LATS1: variants seen among roughly 807,000 people sequenced by gnomAD.
The protein encoded by LATS1 is serine/threonine-protein kinase LATS1.
Under a neutral mutation model 106.6 loss-of-function variants are expected in LATS1, and 25 were observed. That is an observed-to-expected ratio of 0.23 (90% CI 0.17 to 0.33). The LOEUF (loss-of-function observed/expected upper bound fraction) is 0.33, where lower values mean the gene tolerates loss of function less well. Among genes scored for constraint, LATS1 ranks in the 10% least tolerant of loss-of-function variants. The pLI is 1.00. For synonymous variants in LATS1, 465 were observed against 455.6 expected, an observed-to-expected ratio of 1.02 and a Z score of -0.26; for missense variants, 1,040 against 1,382.6, an observed-to-expected ratio of 0.75 and a Z score of 3.93.
chr6:149,683,783 A>G lies in LATS1; in HGVS notation c.1306T>C (p.Ser436Pro). 5 of 1,613,822 alleles carry G rather than the reference A, an allele frequency of 3.1e-6. No homozygotes were observed. Among genetic ancestry groups the G allele is most frequent in the Non-Finnish European group, 4.2e-6 (5 of 1,180,030 alleles). ...GATGACTGGGCTGGAGCAGAAGATG[A>G]CTGAGGCCAATTTGTTTGCAGTCCA... is the stretch of plus-strand genomic sequence containing the variant. Reference protein sequence around the residue: ...VPGLQTNWPQSSSAPAQSSPS... With the variant: ...VPGLQTNWPQPSSAPAQSSPS... The change falls in exon 4 of 8, where the codon TCA becomes CCA. Residue 436 changes from serine to proline, a missense_variant. Coordinates refer to ENST00000543571, the MANE Select transcript of LATS1 (RefSeq NM_004690.4).
chr6:149,701,680 A>T, intron 2 of LATS1, 99 bp downstream of exon 2: 1 of 811,284 alleles, frequency 1.2e-6, no homozygotes, highest in South Asian at 1.7e-5. Flanking sequence ...TACAGGGTTA[A>T]ATTCTCCCAA....
At chr6:149,704,028 A>G (rs767003920) in intron 1 of LATS1, among the ~76,000 whole-genome samples, 1 of 152,174 alleles carries the variant, frequency 6.6e-6, no homozygotes, top group Non-Finnish European at 1.5e-5. Context: ...TCTGAGATGG[A>G]GTTTCGCTCT....
rs777956272 is a variant in LATS1, at chr6:149,718,097, C to T, written c.-389G>A. The T allele has an allele frequency of 1.9e-4, 54 of 290,898 alleles. No individual in the cohort carries two copies. Among genetic ancestry groups the T allele is most frequent in the Non-Finnish European group, 3.3e-4 (49 of 148,142 alleles). The allele number at this position is 290,898 out of a possible 1,614,324, so 18.0% of individuals were successfully genotyped here. A position where few individuals can be genotyped will look rare whatever the true frequency, so the allele number is the denominator to read the frequency against. ...CACTCAGTGTCGCCGCCGCCGCACT[C>T]CGCTGCAGGTTTCCCGGATGTGGGC... On this transcript the variant is annotated 5_prime_UTR_variant, in exon 1 of 8. Transcript: ENST00000543571.
At chr6:149,693,615 C>A (rs1582897207) in intron 3 of LATS1, among the ~76,000 whole-genome samples, 1 of 45,066 alleles carries the variant, frequency 2.2e-5, no homozygotes, top group Non-Finnish European at 4.0e-5. Context: ...ATCTCAAAAA[C>A]AAACAAACAA....
chr6:149,662,010 T>G lies in LATS1; in HGVS notation c.3112A>C (p.Asn1038His), dbSNP rs756507950. The G allele has an allele frequency of 8.1e-6, 13 of 1,614,194 alleles. No homozygotes were observed. The highest frequency in any genetic ancestry group is 1.1e-5 in the Non-Finnish European group (13 of 1,180,026). The change falls in exon 8 of 8, where the codon AAT (asparagine) becomes CAT (histidine). Residue 1038 changes from asparagine (N) to histidine (H), a missense_variant. Physicochemically the swap from Asn to His is moderately conservative, Grantham distance 68. Coordinates refer to ENST00000543571, the MANE Select transcript of LATS1 (RefSeq NM_004690.4). ...PKITHPTDTS[N>H]FDPVDPDKLW... ...TTATCAGGATCAACAGGATCAAAAT[T>G]TGATGTATCTGTTGGGTGTGTGATT...
chr6:149,680,575 A>C, intron 4 of LATS1, 118 bp from the exon 5 acceptor site: 1 of 700,008 alleles, frequency 1.4e-6, no homozygotes, highest in Non-Finnish European at 2.4e-6. Flanking sequence ...TTTTTAATAA[A>C]GCATGTTAGA....
Position 149,683,761 on chromosome 6 carries a change from G to T in LATS1, c.1328C>A (p.Ser443Ter). Residue 443 changes from serine to a stop codon, truncating the protein, a stop_gained, in exon 4 of 8, where the codon TCA becomes TAA. Transcript: ENST00000543571. LOFTEE classifies it high-confidence loss of function. ...WPQSSSAPAQSSPSSGHEIPT... is the reference protein window; with the variant it reads ...WPQSSSAPAQ Reference sequence around the variant, plus strand: ...GATTTCATGCCCACTGCTCGGGGATGACTGGGCTGGAGCAGAAGATGACTG... The same window carrying T: ...GATTTCATGCCCACTGCTCGGGGATTACTGGGCTGGAGCAGAAGATGACTG... 6.2e-7 allele frequency: 1 copy of T among 1,613,776 alleles called. No homozygotes were observed. Among genetic ancestry groups the T allele is most frequent in the South Asian group, 1.1e-5 (1 of 91,054 alleles).
In LATS1 at chr6:149,676,682, T is replaced by G. The variant is rs1243833907; in HGVS notation, c.2649A>C (p.Ser883=). ...TCAGTCTGTCTCCACATCGACAGCTTGAGGGATCCCCCCATTCATTACTGA... is the reference window on the plus strand; with the variant it reads ...TCAGTCTGTCTCCACATCGACAGCTGGAGGGATCCCCCCATTCATTACTGA... ...MDFSNEWGDP[S]SCRCGDRLKP... Residue 883 remains serine (S), a synonymous_variant, in exon 6 of 8, where the codon TCA becomes TCC. Transcript: ENST00000543571. The G allele has an allele frequency of 6.2e-7, 1 of 1,614,010 alleles. No individual in the cohort carries two copies. Among genetic ancestry groups the G allele is most frequent in the African/African-American group, 1.3e-5 (1 of 74,930 alleles).
intron 1 of LATS1, 74 bp from the exon 2 acceptor site, chr6:149,702,340 A>G (rs965881843): frequency 4.4e-6 from 2 of 459,728 alleles, no homozygotes; most frequent in Non-Finnish European, 7.6e-6. Context: ...GGAAAAGTCC[A>G]TTGATATAGG....
chr6:149,696,642 C>CACATTGCCATTGTGT (rs1783096751), intron 2 of LATS1, among the ~76,000 whole-genome samples: 1 of 149,666 alleles, frequency 6.7e-6, no homozygotes, highest in South Asian at 2.1e-4. Flanking sequence ...TGCCATTGTG[C>CACATTGCCATTGTGT]ATAGTAGTTC....
chr6:149,690,250 G>A (rs1433576209), intron 3 of LATS1, among the ~76,000 whole-genome samples: 2 of 119,582 alleles, frequency 1.7e-5, no homozygotes, highest in Non-Finnish European at 1.6e-5. Context: ...TTTTGTTCTC[G>A]TTGACCAGGC....
In LATS1 at chr6:149,676,690, C is replaced by T; in HGVS notation, c.2641G>A (p.Asp881Asn). Residue 881 changes from aspartate (D) to asparagine (N), a missense_variant, in exon 6 of 8, where the codon GAT becomes AAT. Coordinates refer to ENST00000543571, the MANE Select transcript of LATS1 (RefSeq NM_004690.4). ...DSMDFSNEWG[D>N]PSSCRCGDRL... is the part of the protein sequence containing the mutation. ...TCTCCACATCGACAGCTTGAGGGAT[C>T]CCCCCATTCATTACTGAAATCCATG... 6.2e-7 allele frequency: 1 copy of T among 1,613,812 alleles called. No homozygotes were observed. The highest frequency in any genetic ancestry group is 8.5e-7 in the Non-Finnish European group (1 of 1,179,820).
At chr6:149,684,730 A>C (rs2114830400) in intron 3 of LATS1, 138 bp from the exon 4 acceptor site, 1 of 623,930 alleles carries the variant, frequency 1.6e-6, no homozygotes, top group Middle Eastern at 4.1e-4. Flanking sequence ...AAAAAAGTTC[A>C]AGTGATCTCT....
intron 3 of LATS1, among the ~76,000 whole-genome samples, chr6:149,687,866 C>A (rs1312899667): frequency 1.3e-5 from 2 of 151,148 alleles, no homozygotes; most frequent in African/African-American, 2.4e-5. Context: ...CCGTACTTGA[C>A]CCTCCTCTTT....
chr6:149,659,366 G>T lies in LATS1; in HGVS notation c.*2363C>A. ...GCCCAGCTACTTGGGAGGCTGAGGC[G>T]GGAGGACTGCGTGAGCCCCCAAGGT... On this transcript the variant is annotated 3_prime_UTR_variant, in exon 8 of 8. Coordinates refer to ENST00000543571, the MANE Select transcript of LATS1 (RefSeq NM_004690.4). The T allele has an allele frequency of 5.0e-6, 1 of 200,388 alleles. No homozygotes were observed. Among genetic ancestry groups the T allele is most frequent in the South Asian group, 1.9e-4 (1 of 5,260 alleles). The allele number at this position is 200,388 out of a possible 1,614,324, so 12.4% of individuals were successfully genotyped here.
chr6:149,713,720 C>T (rs989679212), intron 1 of LATS1, among the ~76,000 whole-genome samples: 9 of 148,428 alleles, frequency 6.1e-5, no homozygotes, highest in Non-Finnish European at 9.0e-5. Flanking sequence ...AGTGCAATGG[C>T]GTGATCTCAG....
At chr6:149,682,395 G>A (rs1203587646) in intron 4 of LATS1, among the ~76,000 whole-genome samples, 1 of 151,126 alleles carries the variant, frequency 6.6e-6, no homozygotes, top group African/African-American at 2.4e-5. Flanking sequence ...CAAGAGATGA[G>A]ACCCACGTAT....
At chr6:149,703,905 C>T (rs1783603937) in intron 1 of LATS1, among the ~76,000 whole-genome samples, 1 of 152,216 alleles carries the variant, frequency 6.6e-6, no homozygotes, top group Non-Finnish European at 1.5e-5. Flanking sequence ...TCATTTATAA[C>T]AGCAAAAGTT....
chr6:149,684,384 G>A lies in LATS1; in HGVS notation c.705C>T (p.Asn235=). 6.2e-7 allele frequency: 1 copy of A among 1,613,968 alleles called. No individual in the cohort carries two copies. ...TCCTTACTTGAGGTGGTGGTGGGGGGTTCACTCTCTGTCCGTTGCTAGGGT... is the reference window on the plus strand; with the variant it reads ...TCCTTACTTGAGGTGGTGGTGGGGGATTCACTCTCTGTCCGTTGCTAGGGT... The part of the protein sequence containing the change: ...QAHPSNGQRV[N]PPPPPQVRSV... Residue 235 remains asparagine, a synonymous_variant, in exon 4 of 8, where the codon AAC becomes AAT. Coordinates refer to ENST00000543571, the MANE Select transcript of LATS1 (RefSeq NM_004690.4).
Sources: gnomAD v4.1 joint callset for allele counts (sites outside exome capture counted in the v4.1 genomes callset) on GRCh38, gnomAD v4.1.1 for gene constraint, MANE v1.5 for transcripts, NCBI Gene and HGNC (gene_info 2026-07-23, HGNC 2026-07-21) for gene names.